The following HEATR6 variants were observed in gnomAD, a reference collection of about 807,000 sequenced individuals.
The protein encoded by HEATR6 is HEAT repeat containing 6.
In HEATR6, 106 loss-of-function variants were observed where a neutral mutation model predicts 132.8. The observed-to-expected ratio is 0.80, with a 90% CI of 0.68 to 0.94. HEATR6 has a LOEUF of 0.94. HEATR6 is among the 40% of genes least tolerant of loss of function. The pLI, the probability that HEATR6 is intolerant of heterozygous loss-of-function variation, is 0.00. For missense variants in HEATR6, 1,339 were observed against 1,425.1 expected, an observed-to-expected ratio of 0.94 and a Z score of 0.97; for synonymous variants, 529 against 537.8, an observed-to-expected ratio of 0.98 and a Z score of 0.23.
At chr17:60,073,383 C>A in intron 3 of HEATR6, 104 bp from the exon 4 acceptor site, 3 of 674,928 alleles carry the variant, frequency 4.4e-6, no homozygotes, top group Non-Finnish European at 7.8e-6. Flanking sequence ...GGCAGTTAAG[C>A]ACCAAAAGAC....
At chr17:60,071,912 T>C (rs541435926) in intron 5 of HEATR6, among the ~76,000 whole-genome samples, 3 of 152,240 alleles carry the variant, frequency 2.0e-5, no homozygotes, top group Non-Finnish European at 4.4e-5. Flanking sequence ...ATATATTTGG[T>C]GAAATCTCTC....
At chr17:60,070,554 G>A in intron 6 of HEATR6, 152 bp downstream of exon 6, 1 of 504,504 alleles carries the variant, frequency 2.0e-6, no homozygotes, top group Non-Finnish European at 3.5e-6. Flanking sequence ...AATATTAAGT[G>A]TCTTTGAATA....
At chr17:60,063,587 A>ACC (rs1394341415) in intron 9 of HEATR6, 1 of 152,374 alleles carries the variant, frequency 6.6e-6, no homozygotes, top group Non-Finnish European at 1.5e-5. Flanking sequence ...TCCCCAATTA[A>ACC]CCATTCTAGC....
In HEATR6 at chr17:60,043,181, A is replaced by C; in HGVS notation, c.*382T>G. ...AAATACAACTTGGTAACAACAGGAG[A>C]TTGTGGACACACTATTTTTCGTTAG... On this transcript the variant is annotated 3_prime_UTR_variant, in exon 20 of 20. Transcript: ENST00000184956. 1 of 252,396 alleles carries C rather than the reference A, an allele frequency of 4.0e-6. No homozygotes were observed. Among genetic ancestry groups the C allele is most frequent in the Non-Finnish European group, 7.8e-6 (1 of 127,886 alleles). The allele number at this position is 252,396 out of a possible 1,614,324, so 15.6% of individuals were successfully genotyped here.
At chr17:60,045,041 G>C (rs543525786) in intron 19 of HEATR6, among the ~76,000 whole-genome samples, 1 of 152,298 alleles carries the variant, frequency 6.6e-6, no homozygotes, top group South Asian at 2.1e-4. Context: ...AAGTCATGCA[G>C]GTAAACTTCT....
In HEATR6 at chr17:60,067,641, G is replaced by A. The variant is rs1257441680; in HGVS notation, c.1031C>T (p.Pro344Leu). 6.2e-7 allele frequency: 1 copy of A among 1,612,746 alleles called. No individual in the cohort carries two copies. Among genetic ancestry groups the A allele is most frequent in the Non-Finnish European group, 8.5e-7 (1 of 1,179,474 alleles). Reference protein sequence around the residue: ...KESSGEIEAAPVTGTGRVNLH... With the variant: ...KESSGEIEAALVTGTGRVNLH... ...GTTCACTCTGCCTGTGCCAGTGACT[G>A]GGGCTGCCTCTATTTCACCACTGGA... Residue 344 changes from proline (P) to leucine (L), a missense_variant, in exon 8 of 20, where the codon CCA becomes CTA. Physicochemically the swap from Pro to Leu is moderately conservative, Grantham distance 98 (BLOSUM62 -3). Coordinates refer to ENST00000184956, the MANE Select transcript of HEATR6 (RefSeq NM_022070.5).
At chr17:60,065,551 G>A (rs2083235962) in intron 9 of HEATR6, among the ~76,000 whole-genome samples, 2 of 152,304 alleles carry the variant, frequency 1.3e-5, no homozygotes, top group South Asian at 4.1e-4. Flanking sequence ...GCTAAATTCT[G>A]GAGAAGAATT....
chr17:60,072,136 T>C (rs993744979), intron 5 of HEATR6, 79 bp downstream of exon 5: 25 of 596,726 alleles, frequency 4.2e-5, no homozygotes, highest in African/African-American at 1.5e-4. Flanking sequence ...TGGTGCAAAT[T>C]AAACTCGTTA....
chr17:60,054,028 G>A (rs1171278215), intron 14 of HEATR6, among the ~76,000 whole-genome samples: 7 of 152,180 alleles, frequency 4.6e-5, no homozygotes, highest in Non-Finnish European at 7.3e-5. Flanking sequence ...CAGCCTGGAG[G>A]GCATTCTAGA....
At chr17:60,063,986 A>G (rs956747962) in intron 9 of HEATR6, 1 of 152,170 alleles carries the variant, frequency 6.6e-6, no homozygotes, top group African/African-American at 2.4e-5. Flanking sequence ...TTTAATGCAC[A>G]TAACTTTCTA....
Position 60,043,842 on chromosome 17 carries a change from A to T in HEATR6, c.3267T>A (p.Pro1089=), listed in dbSNP as rs1906271241. 1.9e-6 allele frequency: 3 copies of T among 1,614,212 alleles called. No homozygotes were observed. Among genetic ancestry groups the T allele is most frequent in the Admixed American group, 1.7e-5 (1 of 60,022 alleles). Residue 1089 remains proline (P), a synonymous_variant, in exon 20 of 20, where the codon CCT becomes CCA. Coordinates refer to ENST00000184956, the MANE Select transcript of HEATR6 (RefSeq NM_022070.5). ...TCAGTTCAAGGGTTTCTTTCATACA[A>T]GGGAGGTCCGAGGCACTGGCCAAGC... ...LLSLASASDL[P]CMKETLELSG...
chr17:60,052,621 T>C (rs1329086736), intron 14 of HEATR6, among the ~76,000 whole-genome samples: 3 of 152,218 alleles, frequency 2.0e-5, no homozygotes, highest in African/African-American at 4.8e-5. Flanking sequence ...GAATCTTTAA[T>C]TCACTGCAAG....
In HEATR6 at chr17:60,057,220, A is replaced by G. The variant is rs778822993; in HGVS notation, c.1907T>C (p.Leu636Pro). The stretch of plus-strand genomic sequence containing the variant: ...AGGTGAGCTAACTGACGTTTCTTCC[A>G]GAGAGGGTCCTGCAGGGGCTTTCTT... The part of the protein sequence containing the change: ...WWKKAPAGPS[L>P]EETSVSSPKG... Residue 636 changes from leucine to proline, a missense_variant, in exon 12 of 20, where the codon CTG becomes CCG. Leu to Pro is a moderately conservative substitution (Grantham distance 98). Coordinates refer to ENST00000184956, the MANE Select transcript of HEATR6 (RefSeq NM_022070.5). The G allele has an allele frequency of 5.0e-6, 8 of 1,614,182 alleles. No homozygotes were observed. In the South Asian group the frequency reaches 8.8e-5, roughly 18 times the overall value.
Position 60,042,205 on chromosome 17 carries a change from G to T in HEATR6, c.*1358C>A, listed in dbSNP as rs943381490. On this transcript the variant is annotated 3_prime_UTR_variant, in exon 20 of 20. Transcript: ENST00000184956. Reference sequence around the variant, plus strand: ...GGAAATGTAGGTAGAAGTCAATGTTGTAGCCTAGGTTAGAAGGCCCTGCTT... The same window carrying T: ...GGAAATGTAGGTAGAAGTCAATGTTTTAGCCTAGGTTAGAAGGCCCTGCTT... 6.6e-6 allele frequency among the ~76,000 whole-genome samples: 1 copy of T among 152,254 alleles called. No homozygotes were observed. The highest frequency in any genetic ancestry group is 2.4e-5 in the African/African-American group (1 of 41,466).
chr17:60,078,625 A>T, intron 1 of HEATR6, 71 bp downstream of exon 1: 3 of 1,211,270 alleles, frequency 2.5e-6, no homozygotes, highest in Non-Finnish European at 3.5e-6. Context: ...AGGGAAAGGC[A>T]GGCAGAGGCC....
At chr17:60,075,882 G>T in intron 2 of HEATR6, 1 of 260,890 alleles carries the variant, frequency 3.8e-6, no homozygotes. Flanking sequence ...TGGGGGGCCT[G>T]AATGATATTG....
chr17:60,047,923 T>A (rs889342701), intron 17 of HEATR6, among the ~76,000 whole-genome samples: 1 of 152,232 alleles, frequency 6.6e-6, no homozygotes, highest in Admixed American at 6.5e-5. Flanking sequence ...GGATTTTTTT[T>A]AGCCTGTGAA....
rs528026948 is a variant in HEATR6 at position 60,069,147 on chromosome 17, C to G, written c.939+564G>C. On this transcript the variant is annotated intron_variant, in intron 7 of 19. Coordinates refer to ENST00000184956, the MANE Select transcript of HEATR6 (RefSeq NM_022070.5). ...AGGGAGATGGCAGCTTCTGGAAAGG[C>G]TGGGAAATCAGGTGAATGTAAGGTG... is the stretch of plus-strand genomic sequence containing the variant. Among the ~76,000 whole-genome samples the G allele has an allele frequency of 5.9e-5, 9 of 152,300 alleles. No homozygotes were observed. In the South Asian group the frequency reaches 1.9e-3, roughly 32 times the overall value.
chr17:60,078,586 A>T, intron 1 of HEATR6, 110 bp downstream of exon 1: 1 of 852,600 alleles, frequency 1.2e-6, no homozygotes, highest in Non-Finnish European at 1.8e-6. Flanking sequence ...TCCTGAAACT[A>T]AATCATCAGG....
Sources: allele counts gnomAD v4.1 joint callset (sites outside exome capture counted in the v4.1 genomes callset), GRCh38; gene constraint gnomAD v4.1.1; transcripts MANE v1.5; gene names NCBI Gene and HGNC (gene_info 2026-07-23, HGNC 2026-07-21).